DGLUCY: variants seen among roughly 807,000 people sequenced by gnomAD.
The protein encoded by DGLUCY is D-glutamate cyclase, mitochondrial.
In DGLUCY, 58 loss-of-function variants were observed where a neutral mutation model predicts 58.5. The ratio of observed to expected loss-of-function variants is 0.99; its 90% CI spans 0.80 to 1.23. DGLUCY has a LOEUF of 1.23. Among genes scored for constraint, DGLUCY ranks in the 50% most tolerant of loss-of-function variants. The probability of loss-of-function intolerance (pLI) is 0.00; values close to 1 mark genes in which losing one functional copy is unlikely to be tolerated. For synonymous variants in DGLUCY, 325 were observed against 314.1 expected, an observed-to-expected ratio of 1.03 and a Z score of -0.37; for missense variants, 779 against 784.7, an observed-to-expected ratio of 0.99 and a Z score of 0.09.
chr14:91,101,150 A>C (rs147905512), intron 1 of DGLUCY, among the ~76,000 whole-genome samples: 4 of 152,346 alleles, frequency 2.6e-5, no homozygotes, highest in African/African-American at 9.6e-5. Context: ...TATGGGTGTC[A>C]ATAAAGATAT....
chr14:91,149,947 G>A (rs1046564669), intron 1 of DGLUCY, among the ~76,000 whole-genome samples: 1 of 152,132 alleles, frequency 6.6e-6, no homozygotes, highest in African/African-American at 2.4e-5. Flanking sequence ...TGGGCTGGGT[G>A]CGGTGGCTCA....
chr14:91,092,657 G>GT (rs1424588904), intron 1 of DGLUCY, among the ~76,000 whole-genome samples: 11 of 152,220 alleles, frequency 7.2e-5, no homozygotes, highest in Admixed American at 1.3e-4. Flanking sequence ...ACTCCTTGCT[G>GT]TAACGGTATA....
chr14:91,161,969 G>A (rs1257966246), intron 3 of DGLUCY, among the ~76,000 whole-genome samples: 3 of 152,130 alleles, frequency 2.0e-5, no homozygotes, highest in Non-Finnish European at 4.4e-5. Context: ...ACGACTGCTT[G>A]CTAGGACCCT....
chr14:91,152,934 C>A (rs763769401), intron 1 of DGLUCY, among the ~76,000 whole-genome samples: 1 of 152,090 alleles, frequency 6.6e-6, no homozygotes, highest in Admixed American at 6.6e-5. Context: ...TAAGGTGTTT[C>A]CTGTCGTTGT....
chr14:91,207,778 C>T (rs1461329822), intron 12 of DGLUCY, among the ~76,000 whole-genome samples: 1 of 151,324 alleles, frequency 6.6e-6, no homozygotes, highest in Non-Finnish European at 1.5e-5. Flanking sequence ...TGGAGTTTCA[C>T]TCTTGTTGCC....
At chr14:91,182,214 C>G (rs149614641) in intron 8 of DGLUCY, among the ~76,000 whole-genome samples, 2 of 152,364 alleles carry the variant, frequency 1.3e-5, no homozygotes, top group East Asian at 3.9e-4. Context: ...CTCCTGACAT[C>G]AGGTAATCCA....
intron 1 of DGLUCY, chr14:91,060,750 C>T (rs1404672112): frequency 4.2e-6 from 1 of 240,092 alleles, no homozygotes. Flanking sequence ...ACACAGGGCG[C>T]GCGCGTCTGC....
At chr14:91,083,537 A>C (rs1260519641) in intron 1 of DGLUCY, among the ~76,000 whole-genome samples, 1 of 151,104 alleles carries the variant, frequency 6.6e-6, no homozygotes, top group Admixed American at 6.6e-5. Context: ...AAAAAAAAAA[A>C]AAACAGAGAG....
At chr14:91,169,585 T>A (rs572803472) in intron 4 of DGLUCY, among the ~76,000 whole-genome samples, 1 of 152,220 alleles carries the variant, frequency 6.6e-6, no homozygotes, top group East Asian at 1.9e-4. Flanking sequence ...AGTTTTTGTA[T>A]TTTTAGTATA....
chr14:91,182,985 T>G (rs1442716193), intron 8 of DGLUCY, among the ~76,000 whole-genome samples: 1 of 151,166 alleles, frequency 6.6e-6, no homozygotes, highest in East Asian at 1.9e-4. Context: ...GTTTAGTTTA[T>G]TTATTTTATT....
intron 7 of DGLUCY, 135 bp from the exon 8 acceptor site, chr14:91,181,051 C>A: frequency 1.4e-6 from 1 of 696,448 alleles, no homozygotes; most frequent in Non-Finnish European, 2.4e-6. Flanking sequence ...GACCTTGGTG[C>A]CAGCAGGTGG....
At chr14:91,060,472 G>A (rs763702704) in exon 1 of DGLUCY, 30 of 1,378,978 alleles carry the variant, frequency 2.2e-5, no homozygotes, top group Non-Finnish European at 9.5e-7. Context: ...TCGCTACGAG[G>A]GGAACCCAGG....
At chr14:91,122,320 A>G (rs1280286549) in intron 1 of DGLUCY, among the ~76,000 whole-genome samples, 1 of 151,792 alleles carries the variant, frequency 6.6e-6, no homozygotes, top group East Asian at 1.9e-4. Context: ...TGCCCAGCTA[A>G]TTTTTTATTT....
intron 12 of DGLUCY, among the ~76,000 whole-genome samples, chr14:91,213,691 A>ATTGTTTGT (rs60700798): frequency 0.47 from 70,353 of 150,024 alleles, 16,746 homozygotes; most frequent in East Asian, 0.56. Flanking sequence ...TTCACTGAAG[A>ATTGTTTGT]TTGTTTGTTT....
chr14:91,061,569 G>A (rs2043684841), intron 1 of DGLUCY, among the ~76,000 whole-genome samples: 1 of 152,224 alleles, frequency 6.6e-6, no homozygotes, highest in Non-Finnish European at 1.5e-5. Flanking sequence ...GAGGAACTGG[G>A]GAAAGCTTTT....
chr14:91,157,083 ATGGATGGATGAATGGG>A (rs1470565103), intron 1 of DGLUCY, among the ~76,000 whole-genome samples: 1 of 143,750 alleles, frequency 7.0e-6, no homozygotes, highest in Non-Finnish European at 1.6e-5. Context: ...GGATGGATGG[ATGGATGGATGAATGGG>A]TGGATGGATG....
At chr14:91,109,520 C>T (rs1241610971), upstream of DGLUCY, among the ~76,000 whole-genome samples, 1 of 152,132 alleles carries the variant, frequency 6.6e-6, no homozygotes, top group Non-Finnish European at 1.5e-5. Flanking sequence ...TTTTCATCAG[C>T]GGTAGTTAGT....
At chr14:91,060,394 G>C in exon 1 of DGLUCY, 1 of 1,509,268 alleles carries the variant, frequency 6.6e-7, no homozygotes, top group East Asian at 2.7e-5. Flanking sequence ...GTCCGCGCTG[G>C]TCCCCGCGGC....
At chr14:91,063,618 T>TGTAA (rs1368401234) in intron 1 of DGLUCY, among the ~76,000 whole-genome samples, 1 of 152,234 alleles carries the variant, frequency 6.6e-6, no homozygotes, top group Non-Finnish European at 1.5e-5. Context: ...ACTTCATATG[T>TGTAA]GTAATATGGA....
Sources: allele counts gnomAD v4.1 joint callset (sites outside exome capture counted in the v4.1 genomes callset), GRCh38; gene constraint gnomAD v4.1.1; transcripts MANE v1.5; gene names NCBI Gene and HGNC (gene_info 2026-07-23, HGNC 2026-07-21).